Variants in NFIB observed in about 807,000 individuals in gnomAD.
NFIB encodes the protein nuclear factor 1 B-type.
A neutral mutation model predicts 61.5 loss-of-function variants in NFIB; 11 were observed. The ratio of observed to expected loss-of-function variants is 0.18; its 90% CI spans 0.11 to 0.30. The LOEUF (loss-of-function observed/expected upper bound fraction) is 0.30, where lower values mean the gene tolerates loss of function less well. Ranked by LOEUF, NFIB falls within the 10% of genes least tolerant of loss-of-function variation. The pLI is 1.00. For synonymous variants in NFIB, 260 were observed against 216.5 expected, an observed-to-expected ratio of 1.20 and a Z score of -1.76; for missense variants, 471 against 608.9, an observed-to-expected ratio of 0.77 and a Z score of 2.38.
At chr9:14,360,623 C>T (rs944941517) in intron 1 of NFIB, among the ~76,000 whole-genome samples, 2 of 151,450 alleles carry the variant, frequency 1.3e-5, no homozygotes, top group African/African-American at 4.9e-5. Context: ...CGGCTCACTG[C>T]AAGCTCCGCC....
chr9:14,230,548 G>A (rs913767172), intron 2 of NFIB, among the ~76,000 whole-genome samples: 3 of 152,086 alleles, frequency 2.0e-5, no homozygotes, highest in African/African-American at 7.2e-5. Flanking sequence ...TGAATTTCAA[G>A]AACCCAGAAT....
the NFIB span, among the ~76,000 whole-genome samples, chr9:14,505,317 T>G: frequency 9.2e-5 from 14 of 152,188 alleles, no homozygotes; most frequent in Non-Finnish European, 1.9e-4. Flanking sequence ...GTAGTTTTCT[T>G]TTTTTGTTAT....
chr9:14,385,053 C>T (rs761900741), intron 1 of NFIB, among the ~76,000 whole-genome samples: 1 of 152,234 alleles, frequency 6.6e-6, no homozygotes, highest in African/African-American at 2.4e-5. Context: ...TTCGCTCCAA[C>T]TTAGCTAAAG....
intron 3 of NFIB, among the ~76,000 whole-genome samples, chr9:14,168,150 T>C (rs553337971): frequency 6.6e-6 from 1 of 152,340 alleles, no homozygotes; most frequent in Admixed American, 6.5e-5. Flanking sequence ...GGTCAGGTTC[T>C]GAGTAAGGGA....
At chr9:14,362,682 G>C (rs1188721663) in intron 1 of NFIB, 1 of 152,208 alleles carries the variant, frequency 6.6e-6, no homozygotes, top group South Asian at 2.1e-4. Context: ...GATCTCGTAA[G>C]GCCAGGAATT....
rs2047656095 is a variant in NFIB at position 14,188,936 on chromosome 9, G to A, written c.563-9156C>T. Among the ~76,000 whole-genome samples, 3 of 152,186 alleles carry A rather than the reference G, an allele frequency of 2.0e-5. No homozygotes were observed. In the South Asian group the frequency reaches 6.2e-4, roughly 31 times the overall value. The stretch of plus-strand genomic sequence containing the variant: ...TCATCAGACTCAAGAACATAATCAT[G>A]AAGGCAAATCGAAAAATCAATGCAG... On this transcript the variant is annotated intron_variant, in intron 2 of 10. Coordinates refer to ENST00000380953, the MANE Select transcript of NFIB (RefSeq NM_001190737.2).
At chr9:14,113,944 T>A (rs1314359518) in intron 9 of NFIB, among the ~76,000 whole-genome samples, 3 of 152,158 alleles carry the variant, frequency 2.0e-5, no homozygotes, top group Non-Finnish European at 4.4e-5. Flanking sequence ...AGACTTTTGT[T>A]ACTTTTCACA....
At chr9:14,220,842 T>TACACACACACACACACACACACAC (rs138623129) in intron 2 of NFIB, among the ~76,000 whole-genome samples, 3 of 123,020 alleles carry the variant, frequency 2.4e-5, no homozygotes, top group Admixed American at 1.6e-4. Context: ...TCAATCTCCC[T>TACACACACACACACACACACACAC]ACACACACAC....
chr9:14,304,653 T>G (rs1348529123), intron 2 of NFIB, among the ~76,000 whole-genome samples: 1 of 152,252 alleles, frequency 6.6e-6, no homozygotes, highest in Non-Finnish European at 1.5e-5. Context: ...TTCTCTTTTC[T>G]GATTTTTCTT....
chr9:14,347,706 T>C (rs893753163), intron 1 of NFIB, among the ~76,000 whole-genome samples: 2 of 151,692 alleles, frequency 1.3e-5, no homozygotes, highest in African/African-American at 4.8e-5. Context: ...CTGTGCGGAG[T>C]GTAAAAGACA....
At chr9:14,514,319 T>TACACACACACACAC in the NFIB span, among the ~76,000 whole-genome samples, 33 of 52,710 alleles carry the variant, frequency 6.3e-4, no homozygotes, top group African/African-American at 1.8e-3. Flanking sequence ...TACACATACA[T>TACACACACACACAC]ACATACATAC....
At chr9:14,495,810 A>G in the NFIB span, among the ~76,000 whole-genome samples, 1 of 152,196 alleles carries the variant, frequency 6.6e-6, no homozygotes, top group East Asian at 1.9e-4. Context: ...CACCATTGTT[A>G]TATTCCCCTA....
At chr9:14,479,625 C>T in the NFIB span, among the ~76,000 whole-genome samples, 3 of 152,170 alleles carry the variant, frequency 2.0e-5, no homozygotes, top group East Asian at 3.9e-4. Flanking sequence ...TCAGATACTG[C>T]CCCTCACTCA....
the NFIB span, among the ~76,000 whole-genome samples, chr9:14,413,336 G>A: frequency 5.9e-5 from 9 of 152,120 alleles, no homozygotes; most frequent in Admixed American, 2.6e-4. Flanking sequence ...GGAGTGGGGG[G>A]AAGCATGCAT....
intron 3 of NFIB, among the ~76,000 whole-genome samples, chr9:14,157,465 A>G (rs2043566650): frequency 6.6e-6 from 1 of 152,214 alleles, no homozygotes; most frequent in Non-Finnish European, 1.5e-5. Context: ...AGATCTCAGT[A>G]GGGAATAAAA....
intron 3 of NFIB, among the ~76,000 whole-genome samples, chr9:14,173,025 A>G (rs2045745448): frequency 6.6e-6 from 1 of 152,198 alleles, no homozygotes; most frequent in Non-Finnish European, 1.5e-5. Context: ...GCCTCAGCCT[A>G]TCAAAGTGCT....
intron 1 of NFIB, among the ~76,000 whole-genome samples, chr9:14,355,971 A>AT (rs1442977329): frequency 1.2e-4 from 18 of 144,256 alleles, no homozygotes; most frequent in South Asian, 2.2e-4. Flanking sequence ...AAACAAACAA[A>AT]TAAAAAAAAA....
the NFIB span, among the ~76,000 whole-genome samples, chr9:14,441,387 A>T: frequency 3.9e-5 from 6 of 152,182 alleles, no homozygotes. Flanking sequence ...TTTAAAATTC[A>T]GGATGGAGAT....
chr9:14,329,287 G>GA (rs1554714043), intron 1 of NFIB, among the ~76,000 whole-genome samples: 43 of 152,238 alleles, frequency 2.8e-4, no homozygotes, highest in African/African-American at 1.0e-3. Flanking sequence ...TTGTATTAAT[G>GA]TTTTTTTCAG....
Sources: gnomAD v4.1 joint callset for allele counts (sites outside exome capture counted in the v4.1 genomes callset) on GRCh38, gnomAD v4.1.1 for gene constraint, MANE v1.5 for transcripts, NCBI Gene and HGNC (gene_info 2026-07-23, HGNC 2026-07-21) for gene names.